Variants in KCND2 observed in about 807,000 individuals in gnomAD.
KCND2 encodes the protein potassium voltage-gated channel subfamily D member 2.
A neutral mutation model predicts 54.4 loss-of-function variants in KCND2; 16 were observed. The observed-to-expected ratio is 0.29, with a 90% CI of 0.20 to 0.45. The LOEUF is 0.45. Among genes scored for constraint, KCND2 ranks in the 20% least tolerant of loss-of-function variants. The pLI is 1.00. For missense variants in KCND2, 486 were observed against 824.2 expected (o/e 0.59, Z 5.02); for synonymous variants, 317 against 310.7 (o/e 1.02, Z -0.21).
intron 1 of KCND2, among the ~76,000 whole-genome samples, chr7:120,281,878 C>T (rs1272289497): frequency 6.6e-6 from 1 of 152,128 alleles, no homozygotes; most frequent in Non-Finnish European, 1.5e-5. Flanking sequence ...TTGCTTTGTT[C>T]AATGTTAAAA....
intron 1 of KCND2, among the ~76,000 whole-genome samples, chr7:120,397,995 G>GTATATATATA (rs200944488): frequency 3.2e-5 from 3 of 93,130 alleles, no homozygotes; most frequent in Non-Finnish European, 2.0e-5. Context: ...GTGTGTGTGT[G>GTATATATATA]TATATATATA....
intron 1 of KCND2, among the ~76,000 whole-genome samples, chr7:120,391,862 C>T (rs56933862): frequency 0.011 from 1,665 of 151,860 alleles, 34 homozygotes; most frequent in African/African-American, 0.038. Context: ...CCCATTCTGT[C>T]GGTTGCCTGT....
At chr7:120,582,656 A>G (rs559053451) in intron 1 of KCND2, among the ~76,000 whole-genome samples, 1 of 152,240 alleles carries the variant, frequency 6.6e-6, no homozygotes, top group African/African-American at 2.4e-5. Flanking sequence ...CCCTCAAGAT[A>G]TAGACCCAAG....
At chr7:120,726,420 G>A (rs1792734605) in intron 1 of KCND2, among the ~76,000 whole-genome samples, 1 of 152,076 alleles carries the variant, frequency 6.6e-6, no homozygotes, top group Admixed American at 6.6e-5. Flanking sequence ...CAAGCTGATG[G>A]CAGAAAATCC....
intron 1 of KCND2, among the ~76,000 whole-genome samples, chr7:120,408,746 C>T (rs534753127): frequency 5.9e-5 from 9 of 151,812 alleles, no homozygotes; most frequent in South Asian, 2.1e-4. Flanking sequence ...TACTTATTGA[C>T]GGACAGAATC....
intron 1 of KCND2, among the ~76,000 whole-genome samples, chr7:120,304,265 C>A (rs1197887015): frequency 6.6e-6 from 1 of 151,976 alleles, no homozygotes; most frequent in Admixed American, 6.6e-5. Flanking sequence ...ATGATTCTAA[C>A]AAATATATAG....
At chr7:120,307,060 G>A (rs561242353) in intron 1 of KCND2, among the ~76,000 whole-genome samples, 52 of 152,006 alleles carry the variant, frequency 3.4e-4, no homozygotes, top group African/African-American at 1.2e-3. Flanking sequence ...TTATTCATAC[G>A]TTTGCTTTTA....
intron 1 of KCND2, among the ~76,000 whole-genome samples, chr7:120,713,549 A>G (rs1186504858): frequency 6.6e-6 from 1 of 152,186 alleles, no homozygotes; most frequent in East Asian, 1.9e-4. Context: ...TCTAGTGTTC[A>G]GCAATCAGTA....
chr7:120,381,332 A>G (rs1200582466), intron 1 of KCND2, among the ~76,000 whole-genome samples: 1 of 152,140 alleles, frequency 6.6e-6, no homozygotes, highest in African/African-American at 2.4e-5. Context: ...ATGCATTGCT[A>G]AAGAAAGAGG....
intron 1 of KCND2, among the ~76,000 whole-genome samples, chr7:120,489,318 TATG>T (rs1397976322): frequency 6.6e-6 from 1 of 152,092 alleles, no homozygotes; most frequent in Non-Finnish European, 1.5e-5. Flanking sequence ...AATGTATTAA[TATG>T]ATATATGTAA....
chr7:120,471,430 GA>G (rs1212572421), intron 1 of KCND2, among the ~76,000 whole-genome samples: 1 of 152,050 alleles, frequency 6.6e-6, no homozygotes, highest in East Asian at 1.9e-4. Context: ...TTTTATTAAA[GA>G]CATCTCCAAA....
intron 1 of KCND2, among the ~76,000 whole-genome samples, chr7:120,487,387 A>G (rs962027453): frequency 1.3e-5 from 2 of 152,192 alleles, no homozygotes; most frequent in African/African-American, 4.8e-5. Flanking sequence ...AGAAAGTGAA[A>G]GAAATGGGAT....
At chr7:120,389,403 A>G (rs1214016594) in intron 1 of KCND2, among the ~76,000 whole-genome samples, 1 of 151,846 alleles carries the variant, frequency 6.6e-6, no homozygotes, top group Non-Finnish European at 1.5e-5. Flanking sequence ...CTCTCTTAGG[A>G]AATTTCTAGT....
intron 1 of KCND2, among the ~76,000 whole-genome samples, chr7:120,543,186 T>C (rs1792002701): frequency 6.6e-6 from 1 of 152,040 alleles, no homozygotes; most frequent in African/African-American, 2.4e-5. Context: ...TCTTCCAGAT[T>C]CTTTCTCTGA....
At chr7:120,370,762 A>G (rs1429877053) in intron 1 of KCND2, among the ~76,000 whole-genome samples, 1 of 152,058 alleles carries the variant, frequency 6.6e-6, no homozygotes, top group Non-Finnish European at 1.5e-5. Context: ...GGTGTTAGAG[A>G]ATATGTGCTC....
chr7:120,427,420 C>T (rs1011036545), intron 1 of KCND2, among the ~76,000 whole-genome samples: 22 of 152,110 alleles, frequency 1.4e-4, no homozygotes, highest in Admixed American at 2.6e-4. Context: ...TAACATGAGC[C>T]TCGGAATAAC....
intron 1 of KCND2, among the ~76,000 whole-genome samples, chr7:120,317,794 A>G (rs956091301): frequency 6.6e-6 from 1 of 152,164 alleles, no homozygotes; most frequent in Non-Finnish European, 1.5e-5. Context: ...ATTGTCTATA[A>G]AGCCGTAAAA....
At chr7:120,662,191 T>G (rs1791873605) in intron 1 of KCND2, among the ~76,000 whole-genome samples, 1 of 152,246 alleles carries the variant, frequency 6.6e-6, no homozygotes, top group African/African-American at 2.4e-5. Context: ...GAGGTAAAAT[T>G]TTTCCTCCCC....
rs1289280023 is a variant in KCND2 at position 120,274,872 on chromosome 7, T to C, written c.240T>C (p.Thr80=). Residue 80 remains threonine, a synonymous_variant, in exon 1 of 6, where the codon ACT becomes ACC. Transcript: ENST00000331113. ...GGGACTTTTTCTACCACCCAGAAAC[T>C]CAGCAGTATTTCTTTGACCGTGACC... The part of the protein sequence containing the change: ...SERDFFYHPE[T]QQYFFDRDPD... 6.2e-7 allele frequency: 1 copy of C among 1,613,998 alleles called. No homozygotes were observed. The highest frequency in any genetic ancestry group is 1.7e-5 in the Admixed American group (1 of 60,004).
Sources: allele counts gnomAD v4.1 joint callset (sites outside exome capture counted in the v4.1 genomes callset), GRCh38; gene constraint gnomAD v4.1.1; transcripts MANE v1.5; gene names NCBI Gene and HGNC (gene_info 2026-07-23, HGNC 2026-07-21).